The following RCAN2 variants were observed in gnomAD, a reference collection of about 807,000 sequenced individuals.
RCAN2 encodes the protein regulator of calcineurin 2, also known as calcipressin-2.
In RCAN2, 9 loss-of-function variants were observed where a neutral mutation model predicts 23.6. That is an observed-to-expected ratio of 0.38 (90% confidence interval 0.23 to 0.67). RCAN2 has a LOEUF of 0.67. Among genes scored for constraint, RCAN2 ranks in the 30% least tolerant of loss-of-function variants. RCAN2 has a pLI of 0.51. For missense variants in RCAN2, 273 were observed against 302.3 expected (o/e 0.90, Z 0.72); for synonymous variants, 109 against 115.7 (o/e 0.94, Z 0.37).
At chr6:46,293,717 G>T (rs1762635803) in intron 2 of RCAN2, among the ~76,000 whole-genome samples, 1 of 152,132 alleles carries the variant, frequency 6.6e-6, no homozygotes, top group African/African-American at 2.4e-5. Context: ...ACAATACAGT[G>T]TGGTGAGGGG....
intron 2 of RCAN2, among the ~76,000 whole-genome samples, chr6:46,316,127 A>C (rs1473032995): frequency 6.6e-6 from 1 of 152,146 alleles, no homozygotes; most frequent in Non-Finnish European, 1.5e-5. Flanking sequence ...CTGCAGGGGA[A>C]GAGTTTGATA....
chr6:46,228,538 T>G (rs1027185011), intron 4 of RCAN2, among the ~76,000 whole-genome samples: 1 of 152,084 alleles, frequency 6.6e-6, no homozygotes, highest in African/African-American at 2.4e-5. Flanking sequence ...ATGGCCTTCT[T>G]TGTATCTTTT....
intron 2 of RCAN2, among the ~76,000 whole-genome samples, chr6:46,278,657 A>G (rs1561839896): frequency 6.6e-6 from 1 of 152,136 alleles, no homozygotes; most frequent in Non-Finnish European, 1.5e-5. Flanking sequence ...AACAATTATC[A>G]TCTCTCTTTA....
At chr6:46,281,757 G>C (rs906999219) in intron 2 of RCAN2, among the ~76,000 whole-genome samples, 7 of 152,028 alleles carry the variant, frequency 4.6e-5, no homozygotes, top group Non-Finnish European at 1.0e-4. Flanking sequence ...TATATGTTGG[G>C]CATTGTTCCA....
At position 46,325,684 on chromosome 6, in the gene RCAN2, C is replaced by T. The variant is rs944863431; in HGVS notation, c.226-76788G>A. 7 of 1,370,374 alleles carry T rather than the reference C, an allele frequency of 5.1e-6. No individual in the cohort carries two copies. In the Admixed American group the frequency reaches 1.3e-4, roughly 25 times the overall value. The allele number at this position is 1,370,374 out of a possible 1,614,324, so 84.9% of individuals were successfully genotyped here. ...CACAGCAGAGTAACGAACGGCCCGG[C>T]TCGCTCATGGCAATGACATCACCAC... On this transcript the variant is annotated intron_variant, in intron 2 of 4. Transcript: ENST00000371374.
At chr6:46,462,240 A>T (rs1768239880) in intron 1 of RCAN2, among the ~76,000 whole-genome samples, 1 of 152,218 alleles carries the variant, frequency 6.6e-6, no homozygotes, top group African/African-American at 2.4e-5. Flanking sequence ...AGATATTTGT[A>T]AGGCAAAAGA....
intron 2 of RCAN2, among the ~76,000 whole-genome samples, chr6:46,293,997 T>C (rs1006691238): frequency 5.9e-5 from 9 of 152,302 alleles, no homozygotes; most frequent in African/African-American, 2.2e-4. Context: ...TATGTGCATC[T>C]TGGAGCAGCA....
chr6:46,240,075 A>C (rs1766250206), intron 4 of RCAN2, among the ~76,000 whole-genome samples: 1 of 152,154 alleles, frequency 6.6e-6, no homozygotes. Context: ...GAGATGAAGA[A>C]AGGGGGAGCT....
chr6:46,429,280 C>T (rs1279497973), intron 2 of RCAN2, among the ~76,000 whole-genome samples: 3 of 152,190 alleles, frequency 2.0e-5, no homozygotes, highest in African/African-American at 7.2e-5. Context: ...GTACTCTGAA[C>T]TTGCCACTTT....
intron 2 of RCAN2, among the ~76,000 whole-genome samples, chr6:46,343,991 T>C (rs1427524611): frequency 6.6e-6 from 1 of 152,218 alleles, no homozygotes; most frequent in African/African-American, 2.4e-5. Context: ...ACATATTACA[T>C]TATTCCATTC....
chr6:46,448,145 A>G (rs1172564335), intron 2 of RCAN2, among the ~76,000 whole-genome samples: 1 of 151,852 alleles, frequency 6.6e-6, no homozygotes, highest in Admixed American at 6.6e-5. Flanking sequence ...GAAATGAAAG[A>G]GGAGACAATA....
intron 2 of RCAN2, among the ~76,000 whole-genome samples, chr6:46,327,468 G>A (rs1245816494): frequency 6.6e-6 from 1 of 152,234 alleles, no homozygotes; most frequent in African/African-American, 2.4e-5. Flanking sequence ...GGAGCCTGAA[G>A]TATACAAGGC....
intron 2 of RCAN2, among the ~76,000 whole-genome samples, chr6:46,343,657 G>A (rs1764401674): frequency 6.6e-6 from 1 of 152,152 alleles, no homozygotes; most frequent in Non-Finnish European, 1.5e-5. Context: ...TTACAGGCAT[G>A]AGCCACCACA....
At chr6:46,419,225 C>A (rs939815045) in intron 2 of RCAN2, among the ~76,000 whole-genome samples, 1 of 152,138 alleles carries the variant, frequency 6.6e-6, no homozygotes, top group Non-Finnish European at 1.5e-5. Flanking sequence ...TCAGCAAATG[C>A]TACACATCAG....
chr6:46,488,946 C>T (rs1769066673), intron 1 of RCAN2, among the ~76,000 whole-genome samples: 1 of 152,204 alleles, frequency 6.6e-6, no homozygotes, highest in Non-Finnish European at 1.5e-5. Context: ...AACCCCACCT[C>T]CTCACACCTC....
chr6:46,391,365 A>G (rs1367052463), intron 2 of RCAN2, among the ~76,000 whole-genome samples: 1 of 152,142 alleles, frequency 6.6e-6, no homozygotes, highest in Non-Finnish European at 1.5e-5. Flanking sequence ...GTGGCTGCTT[A>G]ACTGCAGCTG....
At chr6:46,452,165 C>T (rs779442049) in intron 2 of RCAN2, among the ~76,000 whole-genome samples, 6 of 152,108 alleles carry the variant, frequency 3.9e-5, no homozygotes, top group South Asian at 2.1e-4. Context: ...GGCAGTAGTG[C>T]ATAATGTTTA....
intron 2 of RCAN2, among the ~76,000 whole-genome samples, chr6:46,258,781 A>G (rs1041075263): frequency 2.0e-5 from 3 of 152,026 alleles, no homozygotes; most frequent in Non-Finnish European, 2.9e-5. Context: ...GGAAATTTCC[A>G]TTTCTCTGAT....
At chr6:46,274,453 C>G (rs186024312) in intron 2 of RCAN2, among the ~76,000 whole-genome samples, 1 of 152,140 alleles carries the variant, frequency 6.6e-6, no homozygotes, top group Non-Finnish European at 1.5e-5. Context: ...TAAAAATTCT[C>G]TGGACTAGGG....
Sources: allele counts gnomAD v4.1 joint callset (sites outside exome capture counted in the v4.1 genomes callset), GRCh38; gene constraint gnomAD v4.1.1; transcripts MANE v1.5; gene names NCBI Gene and HGNC (gene_info 2026-07-23, HGNC 2026-07-21).